The following TTC8 variants were observed in gnomAD, a reference collection of about 807,000 sequenced individuals.
TTC8 encodes tetratricopeptide repeat domain 8.
TTC8 carries 47 observed loss-of-function variants against 72.5 expected under a neutral mutation model. The ratio of observed to expected loss-of-function variants is 0.65; its 90% CI spans 0.51 to 0.83. The LOEUF (loss-of-function observed/expected upper bound fraction) is 0.83, where lower values mean the gene tolerates loss of function less well. TTC8 is among the 40% of genes least tolerant of loss of function. TTC8 has a pLI of 0.00. For synonymous variants in TTC8, 199 were observed against 221.4 expected (o/e 0.90, Z 0.90); for missense variants, 611 against 623.2 (o/e 0.98, Z 0.21).
chr14:88,846,477 T>G (rs973782111), intron 7 of TTC8: 2 of 545,532 alleles, frequency 3.7e-6, no homozygotes, highest in African/African-American at 3.9e-5. Flanking sequence ...TAAGGAACAG[T>G]AAGAAGGCCA....
chr14:88,833,883 T>G, intron 2 of TTC8, 161 bp downstream of exon 2: 1 of 677,572 alleles, frequency 1.5e-6, no homozygotes, highest in Non-Finnish European at 2.6e-6. Flanking sequence ...AAATAAATGA[T>G]TATATTTTCA....
chr14:88,850,714 A>C (rs1054883694), intron 7 of TTC8, among the ~76,000 whole-genome samples: 1 of 152,140 alleles, frequency 6.6e-6, no homozygotes. Context: ...AATTGTCACA[A>C]ATGTTTTTCT....
At chr14:88,874,422 T>C (rs1029280748) in intron 13 of TTC8, among the ~76,000 whole-genome samples, 14 of 151,988 alleles carry the variant, frequency 9.2e-5, no homozygotes, top group Non-Finnish European at 1.9e-4. Flanking sequence ...TTGATGATCC[T>C]ATGATCACAA....
intron 7 of TTC8, 84 bp downstream of exon 7, chr14:88,843,934 C>A (rs1237021700): frequency 5.2e-6 from 5 of 966,722 alleles, no homozygotes; most frequent in Non-Finnish European, 7.8e-6. Flanking sequence ...CTATTTCTGA[C>A]CTTATAAACA....
rs2141016304 is a variant in TTC8, at chr14:88,861,345, A to G, written c.909+13A>G. ...AAGAATCTATGAGGTAATTCATGTT[A>G]TTATTATTATTATTTATTGATACAC... On this transcript the variant is annotated intron_variant, in intron 10 of 14. Transcript: ENST00000380656. 1 of 1,447,126 alleles carries G rather than the reference A, an allele frequency of 6.9e-7. No homozygotes were observed. Among genetic ancestry groups the G allele is most frequent in the Non-Finnish European group, 9.6e-7 (1 of 1,039,322 alleles). 89.6% of individuals were successfully genotyped at this position (1,447,126 alleles called of 1,614,324 possible). A position where few individuals can be genotyped will look rare whatever the true frequency, so the allele number is the denominator to read the frequency against.
chr14:88,851,920 A>G (rs899218507), intron 7 of TTC8, among the ~76,000 whole-genome samples: 2 of 152,184 alleles, frequency 1.3e-5, no homozygotes, highest in Non-Finnish European at 2.9e-5. Flanking sequence ...CAGTAAGATT[A>G]AGGAACTCGC....
At position 88,852,892 on chromosome 14, in the gene TTC8, G is replaced by A; in HGVS notation, c.625-79G>A. ...ACATTTTGATTGGTGCTAATTATAT[G>A]GTCTATTTCATTATTTATTTTCCTG... On this transcript the variant is annotated intron_variant, in intron 7 of 14. Coordinates refer to ENST00000380656, the MANE Select transcript of TTC8 (RefSeq NM_144596.4). The A allele has an allele frequency of 2.5e-6, 3 of 1,178,188 alleles. 1 individual carries two copies. The South Asian group carries it at 3.8e-5, about 15-fold the overall frequency. The allele number at this position is 1,178,188 out of a possible 1,614,324, so 73.0% of individuals were successfully genotyped here.
At chr14:88,858,600 T>C (rs899165249) in intron 9 of TTC8, among the ~76,000 whole-genome samples, 1 of 150,692 alleles carries the variant, frequency 6.6e-6, no homozygotes, top group East Asian at 1.9e-4. Context: ...CTTAAACAAT[T>C]TTTTTTTTTC....
chr14:88,877,660 C>T lies in TTC8; in HGVS notation c.*250C>T. On this transcript the variant is annotated 3_prime_UTR_variant, in exon 15 of 15. Coordinates refer to ENST00000380656, the MANE Select transcript of TTC8 (RefSeq NM_144596.4). ...CTAAATAGATCCTGAAACTGTCTCTCACATTATATAGTAGATGTTTGTTTA... is the reference window on the plus strand; with the variant it reads ...CTAAATAGATCCTGAAACTGTCTCTTACATTATATAGTAGATGTTTGTTTA... 3.1e-6 allele frequency: 1 copy of T among 317,888 alleles called. No individual in the cohort carries two copies. Among genetic ancestry groups the T allele is most frequent in the Non-Finnish European group, 5.9e-6 (1 of 170,890 alleles). 19.7% of individuals were successfully genotyped at this position (317,888 alleles called of 1,614,324 possible). A position where few individuals can be genotyped will look rare whatever the true frequency, so the allele number is the denominator to read the frequency against.
At chr14:88,851,127 A>G (rs1467561138) in intron 7 of TTC8, among the ~76,000 whole-genome samples, 2 of 152,192 alleles carry the variant, frequency 1.3e-5, no homozygotes, top group Non-Finnish European at 2.9e-5. Flanking sequence ...CACTAGAGTC[A>G]GATTGGAAAA....
At chr14:88,870,863 C>T (rs1006105333) in intron 11 of TTC8, among the ~76,000 whole-genome samples, 2 of 152,170 alleles carry the variant, frequency 1.3e-5, no homozygotes, top group African/African-American at 4.8e-5. Flanking sequence ...CTATTCTGTG[C>T]ACCTGCAGCT....
At chr14:88,865,797 G>A (rs2094906983) in intron 10 of TTC8, among the ~76,000 whole-genome samples, 1 of 151,994 alleles carries the variant, frequency 6.6e-6, no homozygotes, top group East Asian at 1.9e-4. Flanking sequence ...ACTTGCAATG[G>A]CATTTATATA....
chr14:88,849,013 A>AT (rs1249656886), intron 7 of TTC8, among the ~76,000 whole-genome samples: 16 of 152,258 alleles, frequency 1.1e-4, no homozygotes, highest in Admixed American at 6.5e-4. Context: ...ATATACATAC[A>AT]TTTTTTGTAG....
chr14:88,847,478 T>C (rs1024452410), intron 7 of TTC8, among the ~76,000 whole-genome samples: 1 of 152,214 alleles, frequency 6.6e-6, no homozygotes, highest in Non-Finnish European at 1.5e-5. Context: ...ATATTTTTAT[T>C]CTTGGTAACA....
At chr14:88,853,126 T>G (rs1197218209) in intron 8 of TTC8, 70 bp downstream of exon 8, 7 of 1,124,408 alleles carry the variant, frequency 6.2e-6, no homozygotes, top group Non-Finnish European at 9.4e-6. Context: ...TGATACTTTT[T>G]GAGGGGGGGG....
chr14:88,862,571 TATATATATATATATATATATATA>T (rs1379178942), intron 10 of TTC8, among the ~76,000 whole-genome samples: 8 of 65,374 alleles, frequency 1.2e-4, no homozygotes, highest in African/African-American at 5.2e-4. Context: ...TATATATATA[TATATATATATATATATATATATA>T]TATTTAGAGA....
intron 10 of TTC8, among the ~76,000 whole-genome samples, chr14:88,866,318 A>G (rs1482650847): frequency 6.6e-6 from 1 of 152,090 alleles, no homozygotes; most frequent in African/African-American, 2.4e-5. Flanking sequence ...GGGACAGACA[A>G]AAGACTGCTT....
intron 7 of TTC8, among the ~76,000 whole-genome samples, chr14:88,845,825 C>G (rs2094803631): frequency 6.6e-6 from 1 of 152,150 alleles, no homozygotes; most frequent in African/African-American, 2.4e-5. Flanking sequence ...GTGAAACAGA[C>G]AGACAAAGTC....
rs763469114 is a variant in TTC8, at chr14:88,841,437, A to T, written c.502A>T (p.Thr168Ser). 2 of 1,613,828 alleles carry T rather than the reference A, an allele frequency of 1.2e-6. No homozygotes were observed. Among genetic ancestry groups the T allele is most frequent in the African/African-American group, 1.3e-5 (1 of 75,050 alleles). The change falls in exon 6 of 15, where the codon ACA becomes TCA. Residue 168 changes from threonine to serine, a missense_variant. Thr to Ser is a moderately conservative substitution (Grantham distance 58, BLOSUM62 1). Coordinates refer to ENST00000380656, the MANE Select transcript of TTC8 (RefSeq NM_144596.4). Reference protein sequence around the residue: ...FVRLGTASMLTSPDGPFINLS... With the variant: ...FVRLGTASMLSSPDGPFINLS... ...TTTTCCTCTGTAGGCTTCCATGCTTACAAGTCCTGATGGACCATTTATAAA... is the reference window on the plus strand; with the variant it reads ...TTTTCCTCTGTAGGCTTCCATGCTTTCAAGTCCTGATGGACCATTTATAAA...
Sources: gnomAD v4.1 joint callset for allele counts (sites outside exome capture counted in the v4.1 genomes callset) on GRCh38, gnomAD v4.1.1 for gene constraint, MANE v1.5 for transcripts, NCBI Gene and HGNC (gene_info 2026-07-23, HGNC 2026-07-21) for gene names.